DHX9: variants seen among roughly 807,000 people sequenced by gnomAD.
The protein encoded by DHX9 is ATP-dependent RNA helicase A.
DHX9 carries 27 observed loss-of-function variants against 148.7 expected under a neutral mutation model. The ratio of observed to expected loss-of-function variants is 0.18; its 90% CI spans 0.13 to 0.25. The LOEUF (loss-of-function observed/expected upper bound fraction) is 0.25. Ranked by LOEUF, DHX9 falls within the 10% of genes least tolerant of loss-of-function variation. The pLI is 1.00. For missense variants in DHX9, 796 were observed against 1,559.6 expected (o/e 0.51, Z 8.25); for synonymous variants, 529 against 516.6 (o/e 1.02, Z -0.33).
intron 20 of DHX9, among the ~76,000 whole-genome samples, chr1:182,878,986 A>G (rs779178684): frequency 2.0e-5 from 3 of 152,224 alleles, no homozygotes; most frequent in Admixed American, 6.5e-5. Context: ...AGCTAATAAC[A>G]TTCGCGATTT....
At chr1:182,875,913 G>A in intron 16 of DHX9, 137 bp from the exon 17 acceptor site, 1 of 678,480 alleles carries the variant, frequency 1.5e-6, no homozygotes, top group Non-Finnish European at 2.5e-6. Context: ...AATTTCTTCT[G>A]TATTCTATAG....
intron 4 of DHX9, 111 bp from the exon 5 acceptor site, chr1:182,853,195 G>T (rs1668187891): frequency 1.3e-6 from 1 of 742,892 alleles, no homozygotes; most frequent in African/African-American, 1.8e-5. Flanking sequence ...GAAGTGCTGG[G>T]ATTACAGATG....
Position 182,858,253 on chromosome 1 carries a change from A to C in DHX9, c.810+13A>C. ...GGAAGGAGAGACAGTGAGTCTTTAG[A>C]TTTAATAGACTTGTGAGATAGTGTG... is the stretch of plus-strand genomic sequence containing the variant. On this transcript the variant is annotated intron_variant, in intron 8 of 27. Transcript: ENST00000367549. The C allele has an allele frequency of 6.2e-7, 1 of 1,610,856 alleles. No homozygotes were observed. The highest frequency in any genetic ancestry group is 8.5e-7 in the Non-Finnish European group (1 of 1,178,928).
intron 14 of DHX9, among the ~76,000 whole-genome samples, chr1:182,871,022 T>A (rs1385151984): frequency 6.6e-6 from 1 of 152,216 alleles, no homozygotes; most frequent in Non-Finnish European, 1.5e-5. Context: ...AAAGGATTGC[T>A]GAAAACATGA....
chr1:182,862,905 A>G (rs1668388527), intron 12 of DHX9, among the ~76,000 whole-genome samples: 1 of 152,232 alleles, frequency 6.6e-6, no homozygotes. Flanking sequence ...TGCTTAGTAC[A>G]TATTATTAGA....
intron 25 of DHX9, 62 bp downstream of exon 25, chr1:182,883,430 C>T: frequency 1.3e-6 from 2 of 1,579,906 alleles, no homozygotes; most frequent in Non-Finnish European, 1.7e-6. Flanking sequence ...TCATTAGGAA[C>T]ATGAATTTTG....
At position 182,879,190 on chromosome 1, in the gene DHX9, GT is replaced by G. The variant is rs532096559; in HGVS notation, c.2352-57del. Reference sequence around the variant, plus strand: ...ATCCCTGATTACCTTGCTGCAAAAAGTTTATTAACATCTGTGTATACACAAG... The same window carrying G: ...ATCCCTGATTACCTTGCTGCAAAAAGTTATTAACATCTGTGTATACACAAG... On this transcript the variant is annotated intron_variant, in intron 20 of 27. Coordinates refer to ENST00000367549, the MANE Select transcript of DHX9 (RefSeq NM_001357.5). The G allele has an allele frequency of 1.5e-4, 203 of 1,342,832 alleles. No homozygotes were observed. In the South Asian group the frequency reaches 4.4e-3, roughly 29 times the overall value. The allele number at this position is 1,342,832 out of a possible 1,614,324, so 83.2% of individuals were successfully genotyped here. A position where few individuals can be genotyped will look rare whatever the true frequency, so the allele number is the denominator to read the frequency against.
rs962738987 is a variant in DHX9 at position 182,860,329 on chromosome 1, C to T, written c.1332+145C>T. The T allele has an allele frequency of 8.6e-5, 59 of 689,102 alleles. No homozygotes were observed. In the Admixed American group the frequency reaches 1.3e-3, roughly 15 times the overall value. 42.7% of individuals were successfully genotyped at this position (689,102 alleles called of 1,614,324 possible). A position where few individuals can be genotyped will look rare whatever the true frequency, so the allele number is the denominator to read the frequency against. On this transcript the variant is annotated intron_variant, in intron 12 of 27. Coordinates refer to ENST00000367549, the MANE Select transcript of DHX9 (RefSeq NM_001357.5). ...TTAAAAAAAGAAAACATAAAAACAA[C>T]GTAGTCTTTTTCTAATCTCTAGTAT...
At chr1:182,862,157 T>C (rs1454638735) in intron 12 of DHX9, among the ~76,000 whole-genome samples, 1 of 152,248 alleles carries the variant, frequency 6.6e-6, no homozygotes, top group African/African-American at 2.4e-5. Context: ...CTTGCACTTG[T>C]AGCCATCTAT....
At chr1:182,884,951 GTT>G (rs1649258069) in intron 27 of DHX9, 138 bp downstream of exon 27, 5 of 754,030 alleles carry the variant, frequency 6.6e-6, no homozygotes, top group Admixed American at 2.8e-5. Context: ...TAGATAGAGA[GTT>G]TGATGTTCTG....
intron 3 of DHX9, among the ~76,000 whole-genome samples, chr1:182,843,862 A>G (rs539107273): frequency 2.4e-4 from 36 of 152,324 alleles, no homozygotes; most frequent in African/African-American, 7.7e-4. Context: ...CAGTGACACA[A>G]CCATAGCTCA....
chr1:182,884,072 A>G (rs1424359500), intron 26 of DHX9, among the ~76,000 whole-genome samples: 1 of 152,194 alleles, frequency 6.6e-6, no homozygotes, highest in Non-Finnish European at 1.5e-5. Context: ...AGGAAGTTCA[A>G]GATCAGCCTG....
At chr1:182,845,231 A>G (rs544638787) in intron 3 of DHX9, among the ~76,000 whole-genome samples, 5 of 152,190 alleles carry the variant, frequency 3.3e-5, no homozygotes, top group South Asian at 2.1e-4. Flanking sequence ...AGTTTTGCAA[A>G]TGTCTTTTAC....
chr1:182,840,299 C>CTTTTTTT (rs572795237), intron 1 of DHX9, among the ~76,000 whole-genome samples: 6 of 105,522 alleles, frequency 5.7e-5, no homozygotes, highest in African/African-American at 2.7e-4. Flanking sequence ...ATTCTTGCGC[C>CTTTTTTT]TTTTTTTTTT....
intron 3 of DHX9, 47 bp from the exon 4 acceptor site, chr1:182,852,186 C>A: frequency 7.7e-7 from 1 of 1,305,910 alleles, no homozygotes; most frequent in Non-Finnish European, 1.1e-6. Context: ...TACTAGTCCC[C>A]GTGAAGGCAA....
intron 20 of DHX9, among the ~76,000 whole-genome samples, chr1:182,878,813 G>C (rs1463863339): frequency 2.0e-5 from 3 of 152,168 alleles, no homozygotes; most frequent in African/African-American, 7.2e-5. Flanking sequence ...GGATTTTAAA[G>C]ATACATCTAT....
chr1:182,854,238 G>A (rs1668212922), intron 6 of DHX9, 60 bp downstream of exon 6: 5 of 1,427,770 alleles, frequency 3.5e-6, no homozygotes, highest in Non-Finnish European at 4.7e-6. Flanking sequence ...GATATTCACT[G>A]TTGAATATAA....
chr1:182,866,703 A>C, intron 13 of DHX9, 118 bp downstream of exon 13: 4 of 1,330,494 alleles, frequency 3.0e-6, no homozygotes, highest in Non-Finnish European at 4.1e-6. Context: ...TTCTTGTTTA[A>C]ATAAAACTTT....
chr1:182,856,683 G>A, intron 7 of DHX9, 105 bp downstream of exon 7: 1 of 951,062 alleles, frequency 1.1e-6, no homozygotes, highest in Non-Finnish European at 1.7e-6. Flanking sequence ...ATTTGAAAGA[G>A]CACATAATGT....
Sources: gnomAD v4.1 joint callset for allele counts (sites outside exome capture counted in the v4.1 genomes callset) on GRCh38, gnomAD v4.1.1 for gene constraint, MANE v1.5 for transcripts, NCBI Gene and HGNC (gene_info 2026-07-23, HGNC 2026-07-21) for gene names.